PRKG1: variants seen among roughly 807,000 people sequenced by gnomAD.
PRKG1 encodes the protein cGMP-dependent protein kinase 1.
Under a neutral mutation model 88.1 loss-of-function variants are expected in PRKG1, and 35 were observed. The ratio of observed to expected loss-of-function variants is 0.40; its 90% CI spans 0.30 to 0.53. The LOEUF (loss-of-function observed/expected upper bound fraction) is 0.53. Among genes scored for constraint, PRKG1 ranks in the 20% least tolerant of loss-of-function variants. The probability of loss-of-function intolerance (pLI) is 0.59; values close to 1 mark genes in which losing one functional copy is unlikely to be tolerated. For synonymous variants in PRKG1, 303 were observed against 292.5 expected, an observed-to-expected ratio of 1.04 and a Z score of -0.37; for missense variants, 540 against 839.8, an observed-to-expected ratio of 0.64 and a Z score of 4.41.
intron 3 of PRKG1, chr10:51,697,817 G>A (rs776952289): frequency 9.3e-6 from 15 of 1,614,158 alleles, no homozygotes; most frequent in Admixed American, 6.7e-5. Flanking sequence ...CATGATCAAA[G>A]CTGCCTTCTC....
chr10:52,119,142 A>G (rs1847757175), intron 7 of PRKG1, among the ~76,000 whole-genome samples: 1 of 152,180 alleles, frequency 6.6e-6, no homozygotes. Context: ...GTAGATCACA[A>G]TTACAGGCTT....
chr10:51,665,929 G>GTGTGTGTT (rs986125236), intron 3 of PRKG1, among the ~76,000 whole-genome samples: 1 of 152,068 alleles, frequency 6.6e-6, no homozygotes, highest in African/African-American at 2.4e-5. Flanking sequence ...GTGTGTGTGT[G>GTGTGTGTT]TGTGTGTTTG....
chr10:51,810,771 C>T (rs1303203752), intron 4 of PRKG1, among the ~76,000 whole-genome samples: 1 of 152,118 alleles, frequency 6.6e-6, no homozygotes, highest in African/African-American at 2.4e-5. Context: ...ATGGCCTTGA[C>T]TAGGAAGTCA....
At chr10:51,507,615 A>T (rs1393702161) in intron 3 of PRKG1, among the ~76,000 whole-genome samples, 1 of 152,128 alleles carries the variant, frequency 6.6e-6, no homozygotes, top group East Asian at 1.9e-4. Flanking sequence ...AAACTTTTAC[A>T]CTAGGTTTGT....
intron 3 of PRKG1, among the ~76,000 whole-genome samples, chr10:51,507,322 A>G (rs1354609841): frequency 6.6e-6 from 1 of 152,098 alleles, no homozygotes; most frequent in Non-Finnish European, 1.5e-5. Flanking sequence ...AATAAAAATA[A>G]ATAAAAAAGA....
At chr10:52,175,357 A>G (rs1434011259) in intron 9 of PRKG1, among the ~76,000 whole-genome samples, 1 of 152,074 alleles carries the variant, frequency 6.6e-6, no homozygotes, top group Non-Finnish European at 1.5e-5. Context: ...TTGTATATAT[A>G]CCACATTTTC....
intron 9 of PRKG1, 145 bp from the exon 10 acceptor site, chr10:52,251,425 T>C (rs1451337403): frequency 4.7e-6 from 3 of 633,474 alleles, no homozygotes; most frequent in Non-Finnish European, 8.2e-6. Flanking sequence ...AAATTATGAG[T>C]GTGAGAAAAC....
intron 1 of PRKG1, among the ~76,000 whole-genome samples, chr10:51,134,089 T>C (rs1041023350): frequency 2.6e-5 from 4 of 152,336 alleles, no homozygotes; most frequent in African/African-American, 9.6e-5. Flanking sequence ...AAAATTTTAA[T>C]GTTAATTGAT....
chr10:52,084,180 G>A (rs1285179967), intron 7 of PRKG1, among the ~76,000 whole-genome samples: 1 of 151,902 alleles, frequency 6.6e-6, no homozygotes, highest in Non-Finnish European at 1.5e-5. Flanking sequence ...GCTTGATAGG[G>A]TCTGGTTTTT....
intron 4 of PRKG1, among the ~76,000 whole-genome samples, chr10:51,878,549 A>G (rs1841357987): frequency 6.6e-6 from 1 of 152,196 alleles, no homozygotes; most frequent in Non-Finnish European, 1.5e-5. Context: ...AAAAAGTTTT[A>G]TAAGAAAGGA....
At chr10:51,796,593 G>A (rs1181404934) in intron 3 of PRKG1, among the ~76,000 whole-genome samples, 1 of 151,974 alleles carries the variant, frequency 6.6e-6, no homozygotes, top group African/African-American at 2.4e-5. Context: ...GTCTGGAAAG[G>A]GAAAAAATAT....
At chr10:52,169,374 C>G (rs538802019) in intron 9 of PRKG1, among the ~76,000 whole-genome samples, 8 of 152,252 alleles carry the variant, frequency 5.3e-5, no homozygotes, top group African/African-American at 1.7e-4. Flanking sequence ...AGACAGCTGC[C>G]TTTTCACTGT....
chr10:52,201,422 T>C (rs1427110150), intron 9 of PRKG1, among the ~76,000 whole-genome samples: 4 of 152,174 alleles, frequency 2.6e-5, no homozygotes, highest in Non-Finnish European at 4.4e-5. Flanking sequence ...TTGTCTGTTT[T>C]TGTACTAGCA....
intron 4 of PRKG1, among the ~76,000 whole-genome samples, chr10:51,871,560 G>A (rs143208063): frequency 1.0e-3 from 152 of 152,342 alleles, no homozygotes; most frequent in African/African-American, 3.5e-3. Flanking sequence ...AGCTGTCAGT[G>A]CTGTGACACA....
At chr10:51,679,368 T>C (rs915475918) in intron 3 of PRKG1, among the ~76,000 whole-genome samples, 14 of 152,286 alleles carry the variant, frequency 9.2e-5, no homozygotes, top group Admixed American at 9.2e-4. Context: ...AGTTGCTGAA[T>C]GTTTCACTCA....
At chr10:51,473,755 A>ATTTTTT (rs34322474) in intron 3 of PRKG1, among the ~76,000 whole-genome samples, 1 of 148,080 alleles carries the variant, frequency 6.8e-6, no homozygotes. Context: ...AGAAACACTG[A>ATTTTTT]TTTTTTTTTT....
At chr10:51,311,921 G>T in intron 2 of PRKG1, among the ~76,000 whole-genome samples, 1 of 152,084 alleles carries the variant, frequency 6.6e-6, no homozygotes, top group Non-Finnish European at 1.5e-5. Flanking sequence ...ACCCAGGTTG[G>T]AGTGCAATGG....
chr10:51,297,703 A>G lies in PRKG1; in HGVS notation c.478+144373A>G, dbSNP rs569124703. The stretch of plus-strand genomic sequence containing the variant: ...GTACAATCTAATTATTCACTGATCA[A>G]TCTACACATACTGCATTACTATGTA... On this transcript the variant is annotated intron_variant, in intron 2 of 17. Transcript: ENST00000373980. Among the ~76,000 whole-genome samples the G allele has an allele frequency of 2.0e-4, 30 of 152,142 alleles. 1 individual carries two copies. The South Asian group carries it at 5.4e-3, about 27-fold the overall frequency.
intron 2 of PRKG1, among the ~76,000 whole-genome samples, chr10:51,440,200 GA>G (rs1005462255): frequency 1.5e-5 from 2 of 136,112 alleles, no homozygotes; most frequent in African/African-American, 5.0e-5. Context: ...AGTGCAGTTT[GA>G]TTTTTTTTTT....
Sources: gnomAD v4.1 joint callset for allele counts (sites outside exome capture counted in the v4.1 genomes callset) on GRCh38, gnomAD v4.1.1 for gene constraint, MANE v1.5 for transcripts, NCBI Gene and HGNC (gene_info 2026-07-23, HGNC 2026-07-21) for gene names.